Variants in TRAF3 observed in about 807,000 individuals in gnomAD.
TRAF3 encodes the protein TNF receptor associated factor 3, also known as TNF receptor-associated factor 3.
TRAF3 carries 13 observed loss-of-function variants against 62.3 expected under a neutral mutation model. The ratio of observed to expected loss-of-function variants is 0.21; its 90% CI spans 0.14 to 0.33. TRAF3 has a LOEUF of 0.33. Among genes scored for constraint, TRAF3 ranks in the 10% least tolerant of loss-of-function variants. The probability of loss-of-function intolerance (pLI) is 1.00; values close to 1 mark genes in which losing one functional copy is unlikely to be tolerated. For missense variants in TRAF3, 440 were observed against 741.8 expected (o/e 0.59, Z 4.73); for synonymous variants, 269 against 283.4 (o/e 0.95, Z 0.51).
intron 2 of TRAF3, among the ~76,000 whole-genome samples, chr14:102,836,940 G>T (rs1314746814): frequency 6.6e-6 from 1 of 152,094 alleles, no homozygotes; most frequent in Non-Finnish European, 1.5e-5. Flanking sequence ...CTACAAAATG[G>T]CTTCTTTCCC....
intron 2 of TRAF3, among the ~76,000 whole-genome samples, chr14:102,867,056 T>G (rs1888040930): frequency 6.6e-6 from 1 of 152,208 alleles, no homozygotes; most frequent in South Asian, 2.1e-4. Context: ...TAAGTGTTGG[T>G]GAGAGTGTGG....
chr14:102,870,525 A>C (rs1007040734), intron 3 of TRAF3, 79 bp downstream of exon 3: 103 of 1,561,426 alleles, frequency 6.6e-5, no homozygotes, highest in Non-Finnish European at 8.9e-5. Flanking sequence ...GTTTCTCTAA[A>C]AATAAACCTC....
intron 1 of TRAF3, among the ~76,000 whole-genome samples, chr14:102,811,267 A>G (rs1033560444): frequency 6.7e-6 from 1 of 149,194 alleles, no homozygotes; most frequent in Non-Finnish European, 1.5e-5. Flanking sequence ...TGCTGTCTGT[A>G]TTAGCGTCCT....
At chr14:102,828,861 T>C (rs1900482757) in intron 1 of TRAF3, among the ~76,000 whole-genome samples, 1 of 152,198 alleles carries the variant, frequency 6.6e-6, no homozygotes, top group Non-Finnish European at 1.5e-5. Context: ...GAGGTGTAGA[T>C]ACGCATAGAA....
At chr14:102,809,077 C>G (rs1898954524) in intron 1 of TRAF3, 1 of 152,234 alleles carries the variant, frequency 6.6e-6, no homozygotes, top group South Asian at 2.1e-4. Context: ...GCTTCTGCCT[C>G]CCAGGTTCGA....
intron 6 of TRAF3, among the ~76,000 whole-genome samples, chr14:102,878,286 T>G (rs1377809225): frequency 6.6e-6 from 1 of 151,944 alleles, no homozygotes; most frequent in Non-Finnish European, 1.5e-5. Flanking sequence ...CTTCTCATAC[T>G]TCGGTTACTT....
chr14:102,845,541 A>C (rs1418606318), intron 2 of TRAF3, among the ~76,000 whole-genome samples: 1 of 143,460 alleles, frequency 7.0e-6, no homozygotes, highest in African/African-American at 2.7e-5. Flanking sequence ...TTCAAGACGG[A>C]GTCTCCCTCT....
At chr14:102,896,648 A>G (rs905748052) in intron 9 of TRAF3, among the ~76,000 whole-genome samples, 2 of 152,232 alleles carry the variant, frequency 1.3e-5, no homozygotes, top group African/African-American at 4.8e-5. Flanking sequence ...AAGATTTGCT[A>G]GTTTTTAGCA....
chr14:102,856,926 G>A (rs775962907), intron 2 of TRAF3, among the ~76,000 whole-genome samples: 1 of 152,194 alleles, frequency 6.6e-6, no homozygotes, highest in African/African-American at 2.4e-5. Context: ...CCAACAAAAG[G>A]TGGTATCTGG....
In TRAF3 at chr14:102,903,317, G is replaced by A. The variant is rs145200267; in HGVS notation, c.1023G>A (p.Arg341=). The A allele has an allele frequency of 6.2e-7, 1 of 1,614,116 alleles. No homozygotes were observed. Among genetic ancestry groups the A allele is most frequent in the African/African-American group, 1.3e-5 (1 of 74,938 alleles). ...KELDKEIRPF[R]QNWEEADSMK... The stretch of plus-strand genomic sequence containing the variant: ...TTGACAAGGAGATCCGGCCCTTCCG[G>A]CAGAACTGGGAGGAAGCAGACAGCA... Residue 341 remains arginine, a synonymous_variant, in exon 11 of 12, where the codon CGG becomes CGA. Coordinates refer to ENST00000392745, the MANE Select transcript of TRAF3 (RefSeq NM_145725.3). The surrounding 1 kb of genome is among the most constrained non-coding windows in gnomAD (Gnocchi z 6.4).
At chr14:102,829,302 T>G (rs1469388565) in intron 1 of TRAF3, among the ~76,000 whole-genome samples, 1 of 152,212 alleles carries the variant, frequency 6.6e-6, no homozygotes, top group African/African-American at 2.4e-5. Flanking sequence ...GGGCCTGCAT[T>G]CGTGATTAGT....
In TRAF3 at chr14:102,906,369, A is replaced by G. The variant is rs890181233; in HGVS notation, c.*585A>G. On this transcript the variant is annotated 3_prime_UTR_variant, in exon 12 of 12. Coordinates refer to ENST00000392745, the MANE Select transcript of TRAF3 (RefSeq NM_145725.3). Reference sequence around the variant, plus strand: ...CTAGGTCTTTTTTTTGAAAGTCTCTAAATTCAGAATCATTTTTTAATTTAA... The same window carrying G: ...CTAGGTCTTTTTTTTGAAAGTCTCTGAATTCAGAATCATTTTTTAATTTAA... The G allele has an allele frequency of 3.3e-5, 5 of 152,632 alleles. No individual in the cohort carries two copies. Among genetic ancestry groups the G allele is most frequent in the Admixed American group, 3.3e-4 (5 of 15,276 alleles). 9.5% of individuals were successfully genotyped at this position (152,632 alleles called of 1,614,324 possible). A position where few individuals can be genotyped will look rare whatever the true frequency, so the allele number is the denominator to read the frequency against.
intron 10 of TRAF3, 105 bp downstream of exon 10, chr14:102,897,506 C>A: frequency 6.9e-7 from 1 of 1,449,030 alleles, no homozygotes; most frequent in Non-Finnish European, 9.5e-7. Flanking sequence ...TTGACCTTTG[C>A]AAGCAGAAAG....
chr14:102,787,261 T>G (rs1007198677), intron 1 of TRAF3, among the ~76,000 whole-genome samples: 3 of 152,312 alleles, frequency 2.0e-5, no homozygotes, highest in African/African-American at 7.2e-5. Flanking sequence ...TCACAGTATA[T>G]TTGCACAAAA....
At chr14:102,780,237 T>G (rs1318467943) in intron 1 of TRAF3, among the ~76,000 whole-genome samples, 1 of 151,796 alleles carries the variant, frequency 6.6e-6, no homozygotes, top group Non-Finnish European at 1.5e-5. Flanking sequence ...GTACAGGGGA[T>G]AGGTGCCATG....
intron 10 of TRAF3, among the ~76,000 whole-genome samples, chr14:102,899,202 G>A (rs561286492): frequency 8.1e-4 from 123 of 152,298 alleles, no homozygotes; most frequent in South Asian, 3.9e-3. Flanking sequence ...GTTACCTTTG[G>A]GACCACTGTG....
At chr14:102,811,582 G>A (rs372170945) in intron 1 of TRAF3, among the ~76,000 whole-genome samples, 2 of 73,618 alleles carry the variant, frequency 2.7e-5, no homozygotes, top group Admixed American at 2.9e-4. Flanking sequence ...TTTGGTTTTT[G>A]TTTGTTTTTG....
intron 4 of TRAF3, among the ~76,000 whole-genome samples, chr14:102,872,592 C>T (rs1888402176): frequency 2.0e-5 from 3 of 152,238 alleles, no homozygotes; most frequent in Admixed American, 1.3e-4. Flanking sequence ...CCTGGTCCTT[C>T]TCATGGAGAC....
intron 1 of TRAF3, among the ~76,000 whole-genome samples, chr14:102,809,624 C>T (rs1283771555): frequency 6.6e-6 from 1 of 150,816 alleles, no homozygotes; most frequent in Non-Finnish European, 1.5e-5. Flanking sequence ...GCGCCGCCTC[C>T]CAGGTTCATG....
Sources: allele counts gnomAD v4.1 joint callset (sites outside exome capture counted in the v4.1 genomes callset), GRCh38; gene constraint gnomAD v4.1.1; non-coding constraint Gnocchi (gnomAD v3.1); transcripts MANE v1.5; gene names NCBI Gene and HGNC (gene_info 2026-07-23, HGNC 2026-07-21).